ATP11A: variants seen among roughly 807,000 people sequenced by gnomAD.
ATP11A encodes the protein phospholipid-transporting ATPase IH.
ATP11A carries 81 observed loss-of-function variants against 154.4 expected under a neutral mutation model. The observed-to-expected ratio is 0.52, with a 90% CI of 0.44 to 0.63. ATP11A has a LOEUF of 0.63. ATP11A is among the 30% of genes least tolerant of loss of function. The pLI is 0.00. For missense variants in ATP11A, 1,316 were observed against 1,474.3 expected (o/e 0.89, Z 1.76); for synonymous variants, 623 against 585.9 (o/e 1.06, Z -0.91).
At chr13:112,851,331 G>A in intron 18 of ATP11A, 113 bp downstream of exon 18, 2 of 1,038,564 alleles carry the variant, frequency 1.9e-6, no homozygotes, top group Non-Finnish European at 2.8e-6. Context: ...AGCCGACGGG[G>A]CGTGTTTGCT....
intron 17 of ATP11A, 29 bp from the exon 18 acceptor site, chr13:112,851,008 C>T (rs368948071): frequency 1.2e-4 from 196 of 1,594,234 alleles, no homozygotes; most frequent in Middle Eastern, 6.7e-4. Flanking sequence ...ACCTTGAATT[C>T]GTGCTAAACG....
intron 1 of ATP11A, among the ~76,000 whole-genome samples, chr13:112,779,059 C>T (rs576159427): frequency 2.1e-4 from 25 of 121,824 alleles, no homozygotes; most frequent in Non-Finnish European, 3.5e-4. Context: ...AGTGAGTAGC[C>T]GCTGGAGTGA....
chr13:112,847,311 A>T (rs1006365295), intron 17 of ATP11A, among the ~76,000 whole-genome samples: 12 of 152,202 alleles, frequency 7.9e-5, no homozygotes, highest in Non-Finnish European at 1.2e-4. Context: ...GCTTGCTGTC[A>T]TATCGAAGAA....
intron 1 of ATP11A, among the ~76,000 whole-genome samples, chr13:112,708,157 T>TG (rs1887364395): frequency 2.3e-3 from 1 of 438 alleles, no homozygotes; most frequent in African/African-American, 9.3e-3. Context: ...TCTCGACAAC[T>TG]TTTACAGGGA....
Position 112,881,305 on chromosome 13 carries a change from G to A in ATP11A, c.*10-571G>A, listed in dbSNP as rs111647673. ...GTCAGAAGCCATGCAGGCCCCATCC[G>A]TATGGTGACATCCTAGGCAACATGT... On this transcript the variant is annotated intron_variant, in intron 29 of 29. Transcript: ENST00000375645. 3.4e-3 allele frequency: 3,378 copies of A among 1,000,712 alleles called. 8 individuals are homozygous for A. Among genetic ancestry groups the A allele is most frequent in the Non-Finnish European group, 3.9e-3 (3,237 of 839,476 alleles). The allele number at this position is 1,000,712 out of a possible 1,614,324, so 62.0% of individuals were successfully genotyped here.
intron 2 of ATP11A, among the ~76,000 whole-genome samples, chr13:112,801,986 CTAGCCCACTT>C (rs2078145848): frequency 2.0e-5 from 3 of 152,230 alleles, no homozygotes; most frequent in Admixed American, 6.5e-5. Flanking sequence ...AGAACTGACA[CTAGCCCACTT>C]TAGGACTTAC....
rs1239895512 is a variant in ATP11A, at chr13:112,883,015, ATCCCCACGTCCCCTCATCCCGTCACCTCG to A, written c.*1157_*1185del. The A allele has an allele frequency of 7.7e-6, 3 of 390,246 alleles. No homozygotes were observed. The highest frequency in any genetic ancestry group is 9.1e-5 in the Admixed American group (2 of 22,018). 24.2% of individuals were successfully genotyped at this position (390,246 alleles called of 1,614,324 possible). On this transcript the variant is annotated 3_prime_UTR_variant, in exon 30 of 30. Coordinates refer to ENST00000375645, the MANE Select transcript of ATP11A (RefSeq NM_015205.3). ...CTGCGTCCCCACGTCCCCTCGTCCC[ATCCCCACGTCCCCTCATCCCGTCACCTCG>A]TCCCCACATCCCCTTGCCCCGTCAC...
intron 1 of ATP11A, among the ~76,000 whole-genome samples, chr13:112,761,415 A>G (rs1017368507): frequency 3.9e-5 from 6 of 152,214 alleles, no homozygotes; most frequent in African/African-American, 1.4e-4. Flanking sequence ...GCATATTGTT[A>G]TAATTGTTCT....
chr13:112,701,875 C>T (rs73574594), intron 1 of ATP11A, among the ~76,000 whole-genome samples: 3,070 of 152,078 alleles, frequency 0.02, 90 homozygotes, highest in African/African-American at 0.07. Context: ...GTAGGTTCCG[C>T]GTCGCCCTTT....
intron 25 of ATP11A, among the ~76,000 whole-genome samples, chr13:112,868,415 G>A (rs370260281): frequency 5.3e-5 from 8 of 152,350 alleles, no homozygotes; most frequent in African/African-American, 1.7e-4. Flanking sequence ...ATTCTCAAAG[G>A]AGGGAGGAAG....
intron 1 of ATP11A, among the ~76,000 whole-genome samples, chr13:112,707,077 G>A (rs1887221187): frequency 6.6e-6 from 1 of 152,192 alleles, no homozygotes; most frequent in African/African-American, 2.4e-5. Context: ...GGGCCCAGGA[G>A]CCGCTGGGAA....
chr13:112,814,042 G>A (rs2140174642), intron 5 of ATP11A, among the ~76,000 whole-genome samples: 1 of 150,994 alleles, frequency 6.6e-6, no homozygotes, highest in African/African-American at 2.5e-5. Context: ...CCAATTTCTT[G>A]ATTTTTTTTT....
chr13:112,804,587 C>T (rs958294265), intron 2 of ATP11A, among the ~76,000 whole-genome samples: 1 of 149,142 alleles, frequency 6.7e-6, no homozygotes, highest in African/African-American at 2.5e-5. Context: ...CCATTCAGCT[C>T]GCTGTCATGC....
chr13:112,866,470 C>T (rs930170028), intron 25 of ATP11A, among the ~76,000 whole-genome samples: 1 of 151,690 alleles, frequency 6.6e-6, no homozygotes, highest in East Asian at 2.0e-4. Context: ...TTAAAGGCAG[C>T]ACAGGCATGT....
chr13:112,873,632 G>T lies in ATP11A; in HGVS notation c.3117G>T (p.Leu1039=). The change falls in exon 27 of 30, where the codon CTG becomes CTT. Residue 1039 remains leucine (L), a synonymous_variant. Coordinates refer to ENST00000375645, the MANE Select transcript of ATP11A (RefSeq NM_015205.3). ...ACCATTTTGTCATCTGGGGGTCGCT[G>T]CTGTTCTACGTTGTCTTTTCGCTTC... The part of the protein sequence containing the change: ...WINHFVIWGS[L]LFYVVFSLLW... 6.2e-7 allele frequency: 1 copy of T among 1,613,604 alleles called. No homozygotes were observed. The highest frequency in any genetic ancestry group is 8.5e-7 in the Non-Finnish European group (1 of 1,179,880).
At chr13:112,748,091 G>A (rs2139793489) in intron 1 of ATP11A, among the ~76,000 whole-genome samples, 1 of 152,354 alleles carries the variant, frequency 6.6e-6, no homozygotes, top group African/African-American at 2.4e-5. Flanking sequence ...CAGGCTGTGT[G>A]TATGAGGTGT....
intron 19 of ATP11A, 45 bp downstream of exon 19, chr13:112,854,575 G>A (rs1566576214): frequency 6.3e-7 from 1 of 1,578,968 alleles, no homozygotes; most frequent in Non-Finnish European, 8.6e-7. Flanking sequence ...CCCGCAAAAG[G>A]GGCTTCAGAC....
Position 112,825,599 on chromosome 13 carries a change from C to G in ATP11A, c.1023+19C>G, listed in dbSNP as rs778107638. On this transcript the variant is annotated intron_variant, in intron 11 of 29. Transcript: ENST00000375645. ...GAATCTGGTATGGAGAATCACTGCC[C>G]TTGTATGATCCGAGGTGACCTGTGG... 6.2e-7 allele frequency: 1 copy of G among 1,604,156 alleles called. No individual in the cohort carries two copies. The highest frequency in any genetic ancestry group is 1.7e-5 in the Admixed American group (1 of 58,468).
chr13:112,782,680 C>T (rs183975976), intron 1 of ATP11A, among the ~76,000 whole-genome samples: 11 of 152,292 alleles, frequency 7.2e-5, no homozygotes, highest in African/African-American at 2.6e-4. Context: ...GACCCAGTCC[C>T]GGAGGAGGAG....
Sources: gnomAD v4.1 joint callset for allele counts (sites outside exome capture counted in the v4.1 genomes callset) on GRCh38, gnomAD v4.1.1 for gene constraint, MANE v1.5 for transcripts, NCBI Gene and HGNC (gene_info 2026-07-23, HGNC 2026-07-21) for gene names.